Variants in CNGB3 observed in about 807,000 individuals in gnomAD.
The protein encoded by CNGB3 is cyclic nucleotide-gated channel beta-3.
A neutral mutation model predicts 92.8 loss-of-function variants in CNGB3; 86 were observed. The observed-to-expected ratio is 0.93, with a 90% CI of 0.78 to 1.11. The LOEUF (loss-of-function observed/expected upper bound fraction) is 1.11. CNGB3 is among the 50% of genes least tolerant of loss of function. The probability of loss-of-function intolerance (pLI) is 0.00; values close to 1 mark genes in which losing one functional copy is unlikely to be tolerated. For synonymous variants in CNGB3, 333 were observed against 332.7 expected (o/e 1.00, Z -0.01); for missense variants, 1,026 against 956.8 (o/e 1.07, Z -0.95).
intron 13 of CNGB3, among the ~76,000 whole-genome samples, chr8:86,620,165 C>T (rs1822696866): frequency 6.6e-6 from 1 of 152,142 alleles, no homozygotes; most frequent in Non-Finnish European, 1.5e-5. Flanking sequence ...GCTTAGAGCT[C>T]AATGACCTCA....
At chr8:86,707,949 T>C (rs1824680527) in intron 3 of CNGB3, 1 of 152,230 alleles carries the variant, frequency 6.6e-6, no homozygotes, top group South Asian at 2.1e-4. Flanking sequence ...TGAAGATTCC[T>C]TGTACTGAGA....
intron 5 of CNGB3, among the ~76,000 whole-genome samples, chr8:86,667,408 GT>G (rs1377798576): frequency 3.9e-5 from 6 of 152,184 alleles, no homozygotes; most frequent in African/African-American, 1.4e-4. Flanking sequence ...ACAGGTAGCT[GT>G]ACTATTTGGA....
intron 15 of CNGB3, among the ~76,000 whole-genome samples, chr8:86,601,799 C>CA (rs1244360041): frequency 6.6e-6 from 1 of 152,060 alleles, no homozygotes; most frequent in Non-Finnish European, 1.5e-5. Flanking sequence ...AGAATCAAGG[C>CA]AAAAAGCTCC....
At chr8:86,722,510 T>A (rs988006940) in intron 3 of CNGB3, among the ~76,000 whole-genome samples, 2 of 152,198 alleles carry the variant, frequency 1.3e-5, no homozygotes, top group East Asian at 3.8e-4. Context: ...TGATGATTAA[T>A]GTTATGTGTC....
At chr8:86,595,019 G>C (rs1275642166) in intron 15 of CNGB3, among the ~76,000 whole-genome samples, 2 of 152,198 alleles carry the variant, frequency 1.3e-5, no homozygotes, top group Admixed American at 6.5e-5. Context: ...ACCGCACCCA[G>C]CTGGTGAGGT....
At chr8:86,586,742 G>T (rs1281997105) in intron 15 of CNGB3, among the ~76,000 whole-genome samples, 1 of 148,946 alleles carries the variant, frequency 6.7e-6, no homozygotes, top group Non-Finnish European at 1.5e-5. Flanking sequence ...ATCATTGTTG[G>T]ACATTTGGGT....
At chr8:86,588,925 C>T (rs1208706208) in intron 15 of CNGB3, among the ~76,000 whole-genome samples, 2 of 151,802 alleles carry the variant, frequency 1.3e-5, no homozygotes, top group Admixed American at 6.6e-5. Context: ...ACCAGTTCCT[C>T]CTTGTACCTC....
At chr8:86,689,235 G>A (rs984191969) in intron 3 of CNGB3, among the ~76,000 whole-genome samples, 2 of 151,632 alleles carry the variant, frequency 1.3e-5, no homozygotes, top group African/African-American at 4.8e-5. Flanking sequence ...TTGCTGAGAA[G>A]AAGAATTTGT....
chr8:86,700,486 A>AT (rs1824534329), intron 3 of CNGB3, among the ~76,000 whole-genome samples: 2 of 152,168 alleles, frequency 1.3e-5, no homozygotes, highest in African/African-American at 4.8e-5. Context: ...TTTTCTATTT[A>AT]CAAAATGTCT....
intron 3 of CNGB3, among the ~76,000 whole-genome samples, chr8:86,694,125 G>A (rs1235404508): frequency 1.5e-5 from 2 of 133,594 alleles, no homozygotes; most frequent in African/African-American, 2.9e-5. Flanking sequence ...CGGGCGGGGG[G>A]CTGACCCCCC....
intron 13 of CNGB3, among the ~76,000 whole-genome samples, chr8:86,624,256 T>A (rs1436127105): frequency 6.6e-6 from 1 of 152,070 alleles, no homozygotes; most frequent in Non-Finnish European, 1.5e-5. Context: ...CCGTCTCTAC[T>A]AAAAATACAA....
At chr8:86,639,689 T>C (rs1384367151) in intron 10 of CNGB3, among the ~76,000 whole-genome samples, 1 of 151,944 alleles carries the variant, frequency 6.6e-6, no homozygotes, top group Non-Finnish European at 1.5e-5. Flanking sequence ...GAAGGAGAAA[T>C]TGATGTTAAA....
At chr8:86,694,291 A>C (rs1824394945) in intron 3 of CNGB3, among the ~76,000 whole-genome samples, 1 of 134,770 alleles carries the variant, frequency 7.4e-6, no homozygotes, top group African/African-American at 2.8e-5. Context: ...ACTTCCCAGT[A>C]GGGGCGGCCG....
intron 11 of CNGB3, among the ~76,000 whole-genome samples, chr8:86,630,815 A>T (rs973178365): frequency 6.6e-6 from 1 of 152,214 alleles, no homozygotes; most frequent in Non-Finnish European, 1.5e-5. Context: ...TTGAGGCTAC[A>T]GTGAGCTATG....
chr8:86,622,831 C>T (rs1378976847), intron 13 of CNGB3, among the ~76,000 whole-genome samples: 3 of 152,154 alleles, frequency 2.0e-5, no homozygotes, highest in African/African-American at 7.2e-5. Context: ...TTTTGTAATA[C>T]ATTTTATTAT....
chr8:86,584,477 G>A (rs142285601), intron 15 of CNGB3, among the ~76,000 whole-genome samples: 4 of 152,152 alleles, frequency 2.6e-5, no homozygotes, highest in East Asian at 3.8e-4. Flanking sequence ...CAGGTTACAC[G>A]TTTGGAGTGC....
At chr8:86,690,586 G>T (rs1030438697) in intron 3 of CNGB3, among the ~76,000 whole-genome samples, 5 of 152,056 alleles carry the variant, frequency 3.3e-5, no homozygotes, top group African/African-American at 9.7e-5. Context: ...GTCAATTTTG[G>T]CTTTTGTTGC....
chr8:86,668,731 G>A (rs1282912648), intron 4 of CNGB3, among the ~76,000 whole-genome samples: 2 of 151,146 alleles, frequency 1.3e-5, no homozygotes, highest in African/African-American at 4.9e-5. Flanking sequence ...ACTAAATGAT[G>A]ACAAAATTCA....
chr8:86,691,726 A>C (rs1824320662), intron 3 of CNGB3, among the ~76,000 whole-genome samples: 1 of 151,984 alleles, frequency 6.6e-6, no homozygotes, highest in Non-Finnish European at 1.5e-5. Context: ...AATTTCATTT[A>C]GTTCTGCTCT....
Sources: gnomAD v4.1 joint callset for allele counts (sites outside exome capture counted in the v4.1 genomes callset) on GRCh38, gnomAD v4.1.1 for gene constraint, MANE v1.5 for transcripts, NCBI Gene and HGNC (gene_info 2026-07-23, HGNC 2026-07-21) for gene names.